SNAPC1: variants seen among roughly 807,000 people sequenced by gnomAD.
SNAPC1 encodes small nuclear RNA activating complex polypeptide 1.
Under a neutral mutation model 50.1 loss-of-function variants are expected in SNAPC1, and 42 were observed. That is an observed-to-expected ratio of 0.84 (90% CI 0.65 to 1.08). The LOEUF is 1.08. Among genes scored for constraint, SNAPC1 ranks in the 50% least tolerant of loss-of-function variants. The pLI, the probability that SNAPC1 is intolerant of heterozygous loss-of-function variation, is 0.00. For synonymous variants in SNAPC1, 164 were observed against 144.2 expected (o/e 1.14, Z -0.98); for missense variants, 477 against 427.3 (o/e 1.12, Z -1.02).
Position 61,778,859 on chromosome 14 carries a change from G to A in SNAPC1, c.774G>A (p.Arg258=). 6.4e-7 allele frequency: 1 copy of A among 1,559,500 alleles called. No individual in the cohort carries two copies. The part of the protein sequence containing the change: ...GNSQETERCE[R]AESLAKIKSK... ...TATTTTACATCCAGAGATGTGAAAG[G>A]GCAGAATCATTAGCGAAAATAAAAT... The change falls in exon 7 of 10, where the codon AGG becomes AGA. Residue 258 remains arginine (R), a synonymous_variant. Transcript: ENST00000216294.
chr14:61,780,226 C>G (rs137981695), intron 7 of SNAPC1, among the ~76,000 whole-genome samples: 33 of 152,282 alleles, frequency 2.2e-4, no homozygotes, highest in Admixed American at 2.0e-3. Flanking sequence ...GAATCAGCCA[C>G]GAGGCTCACC....
chr14:61,778,257 A>G, intron 6 of SNAPC1, 117 bp downstream of exon 6: 1 of 590,458 alleles, frequency 1.7e-6, no homozygotes, highest in Non-Finnish European at 2.9e-6. Flanking sequence ...TGCTTCTGTG[A>G]AAAGGTAGTT....
rs555190257 is a variant in SNAPC1 at position 61,791,307 on chromosome 14, G to T, written c.977-1500G>T. On this transcript the variant is annotated intron_variant, in intron 8 of 9. Coordinates refer to ENST00000216294, the MANE Select transcript of SNAPC1 (RefSeq NM_003082.4). ...TTACAGGCATGAGCCACCACCCCCA[G>T]CCAAAATTTACTTTTTAAAAATTTA... 3.3e-5 allele frequency among the ~76,000 whole-genome samples: 5 copies of T among 151,978 alleles called. No homozygotes were observed. The South Asian group carries it at 1.0e-3, about 32-fold the overall frequency.
At chr14:61,763,653 C>T (rs1266074737) in intron 1 of SNAPC1, among the ~76,000 whole-genome samples, 1 of 152,172 alleles carries the variant, frequency 6.6e-6, no homozygotes, top group South Asian at 2.1e-4. Context: ...GTACGCTGTT[C>T]ATGTTTTTTC....
At position 61,767,773 on chromosome 14, in the gene SNAPC1, T is replaced by C. The variant is rs186155031; in HGVS notation, c.429+421T>C. ...CACTGCGCCCGGCCTGGCTTGTAACTTTTTTTGTGTGTGTGTGCCTTTTTG... is the reference window on the plus strand; with the variant it reads ...CACTGCGCCCGGCCTGGCTTGTAACCTTTTTTGTGTGTGTGTGCCTTTTTG... On this transcript the variant is annotated intron_variant, in intron 3 of 9. Coordinates refer to ENST00000216294, the MANE Select transcript of SNAPC1 (RefSeq NM_003082.4). Among the ~76,000 whole-genome samples the C allele has an allele frequency of 4.4e-4, 67 of 150,700 alleles. 2 individuals carry two copies. The East Asian group carries it at 0.011, about 24-fold the overall frequency.
chr14:61,777,972 A>C (rs2045046852), intron 5 of SNAPC1, 100 bp from the exon 6 acceptor site: 1 of 571,510 alleles, frequency 1.7e-6, no homozygotes, highest in Admixed American at 3.8e-5. Context: ...TTTTTCATTT[A>C]TTAAAAATGA....
chr14:61,779,253 T>A (rs539068513), intron 7 of SNAPC1, among the ~76,000 whole-genome samples: 2 of 152,354 alleles, frequency 1.3e-5, no homozygotes, highest in East Asian at 3.9e-4. Flanking sequence ...TTAATACATA[T>A]AATGTAACTT....
rs148928370 is a variant in SNAPC1 at position 61,784,302 on chromosome 14, C to T, written c.976+1905C>T. On this transcript the variant is annotated intron_variant, in intron 8 of 9. Transcript: ENST00000216294. The stretch of plus-strand genomic sequence containing the variant: ...CTAAGTCACATGTATCAAAAATAAT[C>T]CTAGACACAAAAATACCTTGACTGA... 6.6e-3 allele frequency among the ~76,000 whole-genome samples: 1,007 copies of T among 152,200 alleles called. 14 individuals are homozygous for T. The highest frequency in any genetic ancestry group is 0.023 in the African/African-American group (975 of 41,536).
At chr14:61,790,527 A>G (rs1001433363) in intron 8 of SNAPC1, among the ~76,000 whole-genome samples, 1 of 152,118 alleles carries the variant, frequency 6.6e-6, no homozygotes, top group African/African-American at 2.4e-5. Context: ...GTAGAGACGG[A>G]GTCTTAACCA....
intron 1 of SNAPC1, among the ~76,000 whole-genome samples, chr14:61,766,057 A>C (rs1292572477): frequency 6.6e-6 from 1 of 152,228 alleles, no homozygotes; most frequent in African/African-American, 2.4e-5. Context: ...ATTAAGACTA[A>C]ATAGTAACTT....
Position 61,768,675 on chromosome 14 carries a change from GT to G in SNAPC1, c.471del (p.Thr158GlnfsTer11). On this transcript the variant is annotated frameshift_variant, in exon 4 of 10. Transcript: ENST00000216294. LOFTEE classifies it high-confidence loss of function. ...GAAGAAAAAAATTCACCGAGCTGAA[GT>G]TACAGAAGAATTTAAGGACCCAAGT... The part of the protein sequence containing the change: ...RMKKKIHRAE[V>X]TEEFKDPSDR... 6.2e-7 allele frequency: 1 copy of G among 1,611,512 alleles called. No homozygotes were observed. Among genetic ancestry groups the G allele is most frequent in the Non-Finnish European group, 8.5e-7 (1 of 1,177,972 alleles).
intron 4 of SNAPC1, among the ~76,000 whole-genome samples, chr14:61,770,872 G>C (rs1282574334): frequency 6.6e-6 from 1 of 152,048 alleles, no homozygotes; most frequent in African/African-American, 2.4e-5. Context: ...CTCTCGAGTA[G>C]CTGGGACTAC....
rs1288889076 is a variant in SNAPC1, at chr14:61,766,966, G to A, written c.219G>A (p.Gln73=). The A allele has an allele frequency of 1.2e-6, 2 of 1,610,620 alleles. No individual in the cohort carries two copies. Among genetic ancestry groups the A allele is most frequent in the Admixed American group, 1.7e-5 (1 of 59,994 alleles). The change falls in exon 2 of 10, where the codon CAG becomes CAA. Residue 73 remains glutamine (Q), a synonymous_variant. Coordinates refer to ENST00000216294, the MANE Select transcript of SNAPC1 (RefSeq NM_003082.4). ...ATTTTTTACCTCCATACACCTTCCAGATCAGAGTTGGTGCTTTGTATCTGC... is the reference window on the plus strand; with the variant it reads ...ATTTTTTACCTCCATACACCTTCCAAATCAGAGTTGGTGCTTTGTATCTGC... The part of the protein sequence containing the change: ...WRYFLPPYTF[Q]IRVGALYLLY...
intron 1 of SNAPC1, among the ~76,000 whole-genome samples, chr14:61,765,893 T>C: frequency 6.6e-6 from 1 of 152,034 alleles, no homozygotes; most frequent in East Asian, 1.9e-4. Context: ...CAATTAGGAG[T>C]GCGGGTTACT....
intron 8 of SNAPC1, among the ~76,000 whole-genome samples, chr14:61,787,223 C>T (rs915590817): frequency 6.6e-6 from 1 of 152,106 alleles, no homozygotes; most frequent in Non-Finnish European, 1.5e-5. Context: ...ATTGCACAGC[C>T]GTGCATTTGT....
intron 6 of SNAPC1, 104 bp from the exon 7 acceptor site, chr14:61,778,744 A>G (rs2045051944): frequency 1.3e-6 from 1 of 742,222 alleles, no homozygotes; most frequent in Non-Finnish European, 2.3e-6. Context: ...TTTACCCTAC[A>G]TTGTGTCTGA....
chr14:61,771,001 C>T (rs1199442027), intron 4 of SNAPC1, among the ~76,000 whole-genome samples: 4 of 152,126 alleles, frequency 2.6e-5, no homozygotes, highest in Admixed American at 6.5e-5. Context: ...CTCAGCCTCC[C>T]AAAGTACTGC....
chr14:61,767,294 A>G lies in SNAPC1; in HGVS notation c.371A>G (p.Tyr124Cys), dbSNP rs1318870975. 9.2e-6 allele frequency: 14 copies of G among 1,529,102 alleles called. No individual in the cohort carries two copies. Among genetic ancestry groups the G allele is most frequent in the African/African-American group, 4.2e-5 (3 of 70,874 alleles). 94.7% of individuals were successfully genotyped at this position (1,529,102 alleles called of 1,614,324 possible). Reference protein sequence around the residue: ...LVNAQHFDAAYIFRKLRLDRA... With the variant: ...LVNAQHFDAACIFRKLRLDRA... Reference sequence around the variant, plus strand: ...AATGCACAGCATTTTGATGCAGCTTATATTTTTAGGAAGCTACGACTAGAC... The same window carrying G: ...AATGCACAGCATTTTGATGCAGCTTGTATTTTTAGGAAGCTACGACTAGAC... The change falls in exon 3 of 10, where the codon TAT (tyrosine) becomes TGT (cysteine). Residue 124 changes from tyrosine (Y) to cysteine (C), a missense_variant. Physicochemically the swap from Tyr to Cys is radical, Grantham distance 194 (BLOSUM62 -2). Transcript: ENST00000216294.
At position 61,762,981 on chromosome 14, in the gene SNAPC1, C is replaced by CTTTTTTTTTTTTTTTTTTTT. The variant is rs145378546; in HGVS notation, c.128+401_128+420dup. Among the ~76,000 whole-genome samples, 10 of 73,034 alleles carry CTTTTTTTTTTTTTTTTTTTT rather than the reference C, an allele frequency of 1.4e-4. 3 individuals carry two copies. Among genetic ancestry groups the CTTTTTTTTTTTTTTTTTTTT allele is most frequent in the Admixed American group, 4.8e-4 (2 of 4,132 alleles). 47.9% of individuals were successfully genotyped at this position (73,034 alleles called of 152,430 possible). On this transcript the variant is annotated intron_variant, in intron 1 of 9. Transcript: ENST00000216294. ...TTTTTCCTCCAACAACCAAAGTTGT[C>CTTTTTTTTTTTTTTTTTTTT]TTTTTTTTTTTTTTTTTTTTTTTTT...
Sources: allele counts gnomAD v4.1 joint callset (sites outside exome capture counted in the v4.1 genomes callset), GRCh38; gene constraint gnomAD v4.1.1; transcripts MANE v1.5; gene names NCBI Gene and HGNC (gene_info 2026-07-23, HGNC 2026-07-21).